Variants in TJP3 observed in about 807,000 individuals in gnomAD.
TJP3 encodes the protein tight junction protein 3.
TJP3 carries 85 observed loss-of-function variants against 104.2 expected under a neutral mutation model. That is an observed-to-expected ratio of 0.82 (90% CI 0.68 to 0.98). The LOEUF (loss-of-function observed/expected upper bound fraction) is 0.98. TJP3 is among the 50% of genes least tolerant of loss of function. The probability of loss-of-function intolerance (pLI) is 0.00; values close to 1 mark genes in which losing one functional copy is unlikely to be tolerated. For synonymous variants in TJP3, 550 were observed against 550.6 expected (o/e 1.00, Z 0.02); for missense variants, 1,367 against 1,322.8 (o/e 1.03, Z -0.52).
chr19:3,710,981 G>C (rs988623924), intron 1 of TJP3, among the ~76,000 whole-genome samples: 3 of 151,892 alleles, frequency 2.0e-5, no homozygotes, highest in Middle Eastern at 3.4e-3. Context: ...TCGGCTCACT[G>C]CAAGCTCCGC....
chr19:3,730,095 C>T lies in TJP3; in HGVS notation c.226C>T (p.Gln76Ter). 6.2e-7 allele frequency: 1 copy of T among 1,614,158 alleles called. No homozygotes were observed. Among genetic ancestry groups the T allele is most frequent in the Non-Finnish European group, 8.5e-7 (1 of 1,180,018 alleles). ...MENATSAFAI[Q>*]ILKTCTKMAN... Reference sequence around the variant, plus strand: ...GAATGCCACCTCCGCGTTTGCCATTCAGATACTCAAGACCTGCACCAAGAT... The same window carrying T: ...GAATGCCACCTCCGCGTTTGCCATTTAGATACTCAAGACCTGCACCAAGAT... The change falls in exon 4 of 21, where the codon CAG becomes TAG. Residue 76 changes from glutamine to a stop codon, truncating the protein, a stop_gained. Coordinates refer to ENST00000541714, the MANE Select transcript of TJP3 (RefSeq NM_001267560.2). LOFTEE classifies it high-confidence loss of function. The surrounding 1 kb of genome is among the most constrained non-coding windows in gnomAD (Gnocchi z 7.3).
intron 3 of TJP3, among the ~76,000 whole-genome samples, 195 bp downstream of exon 3, chr19:3,728,908 C>T (rs1007682098): frequency 6.6e-5 from 10 of 152,010 alleles, no homozygotes; most frequent in Non-Finnish European, 1.0e-4. Context: ...CAAAAATTAG[C>T]GGGATGTGGT....
At chr19:3,735,834 T>G (rs189378631) in intron 9 of TJP3, 35 bp from the exon 10 acceptor site, 2 of 1,613,486 alleles carry the variant, frequency 1.2e-6, no homozygotes, top group Non-Finnish European at 8.5e-7. Flanking sequence ...ACTGAGCCAG[T>G]GTGCTTGGGA....
In TJP3 at chr19:3,746,681, G is replaced by A. The variant is rs1457845345; in HGVS notation, c.2207G>A (p.Ser736Asn). 1.9e-6 allele frequency: 3 copies of A among 1,612,032 alleles called. No homozygotes were observed. Among genetic ancestry groups the A allele is most frequent in the African/African-American group, 2.7e-5 (2 of 74,938 alleles). Residue 736 changes from serine (S) to asparagine (N), a missense_variant, in exon 17 of 21, where the codon AGC becomes AAC. Transcript: ENST00000541714. This position sits in a 1 kb window ranked among gnomAD's most constrained non-coding sequence, Gnocchi z 4.1. ...GCCCAGAAGCTGCGAAAACACAGCA[G>A]CCACCTCTTCACAGGTTGGGGGGTG... ...AQAQKLRKHS[S>N]HLFTATIPLN...
intron 1 of TJP3, among the ~76,000 whole-genome samples, chr19:3,718,815 C>T (rs1403241706): frequency 6.6e-6 from 1 of 152,128 alleles, no homozygotes; most frequent in Non-Finnish European, 1.5e-5. Context: ...AGCCACGAAC[C>T]TTGACGTGTG....
Position 3,734,338 on chromosome 19 carries a change from C to A in TJP3, c.889C>A (p.Leu297Ile). ...DSSPLEDISD[L>I]ASELSQAPPS... ...CTCTCCCCCTGCAGACATCTCGGAC[C>A]TCGCCTCGGAGCTATCGCAGGCACC... The change falls in exon 8 of 21, where the codon CTC becomes ATC. Residue 297 changes from leucine to isoleucine, a missense_variant. Leu to Ile is a conservative substitution (Grantham distance 5). Coordinates refer to ENST00000541714, the MANE Select transcript of TJP3 (RefSeq NM_001267560.2). 1 of 1,613,864 alleles carries A rather than the reference C, an allele frequency of 6.2e-7. No homozygotes were observed. The highest frequency in any genetic ancestry group is 8.5e-7 in the Non-Finnish European group (1 of 1,180,036).
Position 3,728,581 on chromosome 19 carries a change from TCCTTCCCCTCATC to T in TJP3, c.49-21_49-9del. 1 of 1,607,658 alleles carries T rather than the reference TCCTTCCCCTCATC, an allele frequency of 6.2e-7. No homozygotes were observed. Among genetic ancestry groups the T allele is most frequent in the Non-Finnish European group, 8.5e-7 (1 of 1,177,654 alleles). On this transcript the variant is annotated splice_polypyrimidine_tract_variant and intron_variant, in intron 2 of 20. Coordinates refer to ENST00000541714, the MANE Select transcript of TJP3 (RefSeq NM_001267560.2). The stretch of plus-strand genomic sequence containing the variant: ...TTACCCTGGGGGAAACAGCAGCTCT[TCCTTCCCCTCATC>T]CTCTCTCAGGACCCCCGCCGGGGCT...
At chr19:3,737,538 T>A (rs1429737140) in intron 11 of TJP3, among the ~76,000 whole-genome samples, 2 of 152,074 alleles carry the variant, frequency 1.3e-5, no homozygotes. Context: ...CAGCCCCTCA[T>A]CATCCCCCCA....
rs763354940 is a variant in TJP3 at position 3,740,562 on chromosome 19, C to G, written c.1642C>G (p.Leu548Val). 15 of 1,482,792 alleles carry G rather than the reference C, an allele frequency of 1.0e-5. No individual in the cohort carries two copies. Among genetic ancestry groups the G allele is most frequent in the African/African-American group, 1.4e-5 (1 of 71,092 alleles). 91.9% of individuals were successfully genotyped at this position (1,482,792 alleles called of 1,614,324 possible). A position where few individuals can be genotyped will look rare whatever the true frequency, so the allele number is the denominator to read the frequency against. Reference protein sequence around the residue: ...IIPNQSRAEQLASLEAAQRAV... With the variant: ...IIPNQSRAEQVASLEAAQRAV... ...CCCTCTTCTCCCCAGGGCGGAGCAG[C>G]TGGCCAGCCTGGAAGCTGCCCAGAG... Residue 548 changes from leucine to valine, a missense_variant, in exon 14 of 21, where the codon CTG (leucine) becomes GTG (valine). Physicochemically the swap from Leu to Val is conservative, Grantham distance 32 (BLOSUM62 1). Transcript: ENST00000541714.
intron 8 of TJP3, among the ~76,000 whole-genome samples, chr19:3,734,802 A>G (rs1393357095): frequency 6.6e-6 from 1 of 152,072 alleles, no homozygotes; most frequent in Non-Finnish European, 1.5e-5. Context: ...TAAGATACCA[A>G]AATTAGCCCG....
chr19:3,721,255 C>G (rs900485691), intron 1 of TJP3, among the ~76,000 whole-genome samples: 1 of 152,096 alleles, frequency 6.6e-6, no homozygotes, highest in Non-Finnish European at 1.5e-5. Flanking sequence ...GCCCGCAGGC[C>G]AAGACCGCAG....
At chr19:3,719,905 T>C (rs1001905864) in intron 1 of TJP3, among the ~76,000 whole-genome samples, 1 of 152,168 alleles carries the variant, frequency 6.6e-6, no homozygotes, top group Non-Finnish European at 1.5e-5. Context: ...GAGAACTACA[T>C]GCTCCTTTTT....
chr19:3,736,518 C>G, intron 11 of TJP3, among the ~76,000 whole-genome samples, 197 bp downstream of exon 11: 1 of 152,162 alleles, frequency 6.6e-6, no homozygotes, highest in Admixed American at 6.6e-5. Flanking sequence ...CAGGTCATGA[C>G]CTCATCGTCC....
Position 3,750,592 on chromosome 19 carries a change from C to T in TJP3, c.2668C>T (p.Arg890Trp), listed in dbSNP as rs374696632. Residue 890 changes from arginine to tryptophan, a missense_variant, in exon 21 of 21, where the codon CGG (arginine) becomes TGG (tryptophan). Arg to Trp is a moderately radical substitution (Grantham distance 101). Coordinates refer to ENST00000541714, the MANE Select transcript of TJP3 (RefSeq NM_001267560.2). ...WRQDSMRTYEREALKKKFMRV... is the reference protein window; with the variant it reads ...WRQDSMRTYEWEALKKKFMRV... The stretch of plus-strand genomic sequence containing the variant: ...TTTCCTGATCCCCAGAACCTATGAA[C>T]GGGAAGCCCTGAAGAAAAAGTTTAT... The T allele has an allele frequency of 3.3e-5, 53 of 1,604,804 alleles. No homozygotes were observed. The highest frequency in any genetic ancestry group is 4.1e-5 in the Non-Finnish European group (48 of 1,175,454).
At chr19:3,721,557 G>A (rs781105797) in intron 1 of TJP3, 1 of 205,912 alleles carries the variant, frequency 4.9e-6, no homozygotes, top group Non-Finnish European at 9.7e-6. Context: ...GTCGGGCCGG[G>A]CTCTGGCCGC....
chr19:3,724,252 G>C (rs980225660), intron 1 of TJP3, among the ~76,000 whole-genome samples: 21 of 151,924 alleles, frequency 1.4e-4, no homozygotes, highest in African/African-American at 5.1e-4. Flanking sequence ...CTGGAGTGCA[G>C]TGGCACAATC....
chr19:3,719,064 G>A (rs2036518240), intron 1 of TJP3, among the ~76,000 whole-genome samples: 1 of 151,946 alleles, frequency 6.6e-6, no homozygotes, highest in African/African-American at 2.4e-5. Flanking sequence ...GGCGCCTGTA[G>A]TCCCAGCTAC....
Position 3,738,882 on chromosome 19 carries a change from T to C in TJP3, c.1394-15T>C. ...AGCAGCCCAGGCAGCTCATGTGGCCTCCCGCTCTCCCCAGTTTTCTGGAAA... is the reference window on the plus strand; with the variant it reads ...AGCAGCCCAGGCAGCTCATGTGGCCCCCCGCTCTCCCCAGTTTTCTGGAAA... On this transcript the variant is annotated splice_polypyrimidine_tract_variant and intron_variant, in intron 12 of 20. Transcript: ENST00000541714. 1.3e-6 allele frequency: 2 copies of C among 1,566,050 alleles called. No homozygotes were observed. Among genetic ancestry groups the C allele is most frequent in the Non-Finnish European group, 1.7e-6 (2 of 1,149,744 alleles).
chr19:3,719,248 C>T (rs1309530879), intron 1 of TJP3, among the ~76,000 whole-genome samples: 1 of 151,820 alleles, frequency 6.6e-6, no homozygotes, highest in African/African-American at 2.4e-5. Context: ...CTGCTGGTGG[C>T]GGAGTGTCAC....
Sources: allele counts gnomAD v4.1 joint callset (sites outside exome capture counted in the v4.1 genomes callset), GRCh38; gene constraint gnomAD v4.1.1; non-coding constraint Gnocchi (gnomAD v3.1); transcripts MANE v1.5; gene names NCBI Gene and HGNC (gene_info 2026-07-23, HGNC 2026-07-21).